Variants in PIK3C3 observed in about 807,000 individuals in gnomAD.
The protein encoded by PIK3C3 is PI3-kinase type 3.
Under a neutral mutation model 126.1 loss-of-function variants are expected in PIK3C3, and 95 were observed. The observed-to-expected ratio is 0.75, with a 90% CI of 0.64 to 0.89. PIK3C3 has a LOEUF of 0.89. Ranked by LOEUF, PIK3C3 falls within the 40% of genes least tolerant of loss-of-function variation. The pLI, the probability that PIK3C3 is intolerant of heterozygous loss-of-function variation, is 0.00. For missense variants in PIK3C3, 829 were observed against 1,063.2 expected (o/e 0.78, Z 3.06); for synonymous variants, 374 against 360.0 (o/e 1.04, Z -0.44).
rs1984271597 is a variant in PIK3C3, at chr18:42,040,670, T to C, written c.2039-7T>C. 6.2e-7 allele frequency: 1 copy of C among 1,602,150 alleles called. No individual in the cohort carries two copies. The highest frequency in any genetic ancestry group is 1.7e-5 in the Admixed American group (1 of 59,492). On this transcript the variant is annotated splice_region_variant and splice_polypyrimidine_tract_variant and intron_variant, in intron 18 of 24. Coordinates refer to ENST00000262039, the MANE Select transcript of PIK3C3 (RefSeq NM_002647.4). ...ATGCTTAATGCAGTGCATACATTTC[T>C]GTGTAGGCTTCATGCAGTTTATCCA...
chr18:41,979,692 G>T (rs1472972876), intron 4 of PIK3C3, among the ~76,000 whole-genome samples: 2 of 152,042 alleles, frequency 1.3e-5, no homozygotes, highest in Non-Finnish European at 2.9e-5. Context: ...ACTGATGAAA[G>T]ATTTAAATAA....
intron 3 of PIK3C3, 133 bp downstream of exon 3, chr18:41,962,765 C>A: frequency 1.5e-6 from 1 of 653,626 alleles, no homozygotes; most frequent in Non-Finnish European, 2.4e-6. Flanking sequence ...ATGATTTGAT[C>A]ATTCCTTACA....
chr18:42,017,315 G>A (rs1191437872), intron 12 of PIK3C3, among the ~76,000 whole-genome samples: 1 of 152,082 alleles, frequency 6.6e-6, no homozygotes, highest in African/African-American at 2.4e-5. Context: ...AGTTTCAGGA[G>A]AACATTATAC....
intron 21 of PIK3C3, among the ~76,000 whole-genome samples, chr18:42,057,124 C>T (rs1985104384): frequency 6.9e-6 from 1 of 144,590 alleles, no homozygotes; most frequent in Non-Finnish European, 1.5e-5. Flanking sequence ...ATAATTGTGC[C>T]TACTCTTACA....
intron 19 of PIK3C3, among the ~76,000 whole-genome samples, chr18:42,041,230 A>G (rs1055429566): frequency 1.3e-5 from 2 of 152,130 alleles, no homozygotes; most frequent in Admixed American, 6.5e-5. Flanking sequence ...TTGGTGAACA[A>G]ATTAAAATTT....
intron 2 of PIK3C3, among the ~76,000 whole-genome samples, chr18:41,959,648 C>T (rs1393222766): frequency 6.6e-6 from 1 of 151,898 alleles, no homozygotes; most frequent in Non-Finnish European, 1.5e-5. Context: ...ACAAAAATTG[C>T]CTGGACATGG....
chr18:42,044,022 A>G (rs1598926297), intron 20 of PIK3C3, among the ~76,000 whole-genome samples: 2 of 152,176 alleles, frequency 1.3e-5, no homozygotes, highest in Admixed American at 6.5e-5. Context: ...TCTTTCATGG[A>G]TATATCTTTG....
chr18:41,963,347 A>G (rs1407290127), intron 3 of PIK3C3, among the ~76,000 whole-genome samples: 1 of 152,194 alleles, frequency 6.6e-6, no homozygotes, highest in Non-Finnish European at 1.5e-5. Context: ...GTAACTTGCA[A>G]AGGTGGTGAT....
At chr18:41,956,634 C>T (rs1021492082) in intron 1 of PIK3C3, among the ~76,000 whole-genome samples, 3 of 132,700 alleles carry the variant, frequency 2.3e-5, no homozygotes, top group African/African-American at 8.6e-5. Context: ...TTTGCTTCAA[C>T]TCTCATGCAT....
chr18:41,990,565 T>C lies in PIK3C3; in HGVS notation c.714+11T>C, dbSNP rs201763666. 3.8e-5 allele frequency: 54 copies of C among 1,436,366 alleles called. No individual in the cohort carries two copies. In the African/African-American group the frequency reaches 6.5e-4, roughly 17 times the overall value. 89.0% of individuals were successfully genotyped at this position (1,436,366 alleles called of 1,614,324 possible). ...GTTTATTATGAAAAGGTATTTCCCTTGGAACTGTTTTTGGTCTCTAAAGTA... is the reference window on the plus strand; with the variant it reads ...GTTTATTATGAAAAGGTATTTCCCTCGGAACTGTTTTTGGTCTCTAAAGTA... On this transcript the variant is annotated intron_variant, in intron 6 of 24. Coordinates refer to ENST00000262039, the MANE Select transcript of PIK3C3 (RefSeq NM_002647.4).
intron 24 of PIK3C3, among the ~76,000 whole-genome samples, chr18:42,075,041 T>C (rs893854816): frequency 6.6e-6 from 1 of 152,186 alleles, no homozygotes; most frequent in Non-Finnish European, 1.5e-5. Flanking sequence ...TTATATTTAG[T>C]TCTTCTTATT....
At chr18:42,063,005 A>G (rs1985384023) in intron 22 of PIK3C3, among the ~76,000 whole-genome samples, 1 of 152,132 alleles carries the variant, frequency 6.6e-6, no homozygotes, top group African/African-American at 2.4e-5. Context: ...CTGGAAGTCT[A>G]TGATATAGTT....
At chr18:42,057,214 A>T (rs893397948) in intron 21 of PIK3C3, among the ~76,000 whole-genome samples, 2 of 152,212 alleles carry the variant, frequency 1.3e-5, no homozygotes, top group East Asian at 3.9e-4. Flanking sequence ...GATAGGTGGT[A>T]TATTATTACA....
At chr18:41,960,674 T>C (rs1980033309) in intron 2 of PIK3C3, among the ~76,000 whole-genome samples, 1 of 152,190 alleles carries the variant, frequency 6.6e-6, no homozygotes, top group African/African-American at 2.4e-5. Flanking sequence ...GGTGTCTGAC[T>C]AGATTTTTCT....
rs537554216 is a variant in PIK3C3, at chr18:42,081,016, G to A, written c.2650-107G>A. ...GGTAGCATTTAGCAAACTAATTAATGCACTTTTTATTTTATTAGTAGTCTT... is the reference window on the plus strand; with the variant it reads ...GGTAGCATTTAGCAAACTAATTAATACACTTTTTATTTTATTAGTAGTCTT... On this transcript the variant is annotated intron_variant, in intron 24 of 24. Transcript: ENST00000262039. The A allele has an allele frequency of 1.2e-3, 780 of 654,708 alleles. 3 individuals carry two copies. The highest frequency in any genetic ancestry group is 1.7e-3 in the Non-Finnish European group (637 of 377,914). 40.6% of individuals were successfully genotyped at this position (654,708 alleles called of 1,614,324 possible).
rs190196985 is a variant in PIK3C3, at chr18:42,020,353, A to G, written c.1417-285A>G. Among the ~76,000 whole-genome samples the G allele has an allele frequency of 2.2e-3, 332 of 152,166 alleles. 2 individuals are homozygous for G. The highest frequency in any genetic ancestry group is 7.7e-3 in the African/African-American group (318 of 41,540). On this transcript the variant is annotated intron_variant, in intron 12 of 24. Transcript: ENST00000262039. ...TCATTGTTGCCTTTTCTAATCTCCC[A>G]ACCTAAATTATTTCTATGACCATTT...
chr18:42,026,565 C>G (rs909031927), intron 13 of PIK3C3: 1 of 152,136 alleles, frequency 6.6e-6, no homozygotes, highest in African/African-American at 2.4e-5. Flanking sequence ...AAGCTATCTT[C>G]CCACCTCAGC....
chr18:42,010,085 AAGTC>A (rs1336895981), intron 10 of PIK3C3, among the ~76,000 whole-genome samples: 2 of 152,200 alleles, frequency 1.3e-5, no homozygotes, highest in African/African-American at 4.8e-5. Context: ...TTCAAAATTG[AAGTC>A]AGTCCTCCCT....
rs777154160 is a variant in PIK3C3, at chr18:41,957,718, C to T, written c.217C>T (p.Pro73Ser). 6.2e-7 allele frequency: 1 copy of T among 1,613,172 alleles called. No individual in the cohort carries two copies. The highest frequency in any genetic ancestry group is 1.1e-5 in the South Asian group (1 of 90,988). Residue 73 changes from proline (P) to serine (S), a missense_variant, in exon 2 of 25, where the codon CCA becomes TCA. This residue lies in a region of PIK3C3 where 313 missense variants were observed against 340.7 expected (regional missense o/e 0.92). Coordinates refer to ENST00000262039, the MANE Select transcript of PIK3C3 (RefSeq NM_002647.4). ...VFAEGKPLAL[P>S]VRTSYKAFST... ...TGCAGAAGGGAAGCCTTTGGCCTTG[C>T]CAGTGAGAACATCCTACAAAGCATT...
Sources: gnomAD v4.1 joint callset for allele counts (sites outside exome capture counted in the v4.1 genomes callset) on GRCh38, gnomAD v4.1.1 for gene constraint, gnomAD v4.1.1 regional missense constraint, MANE v1.5 for transcripts, NCBI Gene and HGNC (gene_info 2026-07-23, HGNC 2026-07-21) for gene names.